Variants in DCAF5 observed in about 807,000 individuals in gnomAD.
DCAF5 encodes DDB1 and CUL4 associated factor 5.
A neutral mutation model predicts 80.7 loss-of-function variants in DCAF5; 9 were observed. The ratio of observed to expected loss-of-function variants is 0.11; its 90% CI spans 0.07 to 0.19. The LOEUF is 0.19. Ranked by LOEUF, DCAF5 falls within the 10% of genes least tolerant of loss-of-function variation. The pLI, the probability that DCAF5 is intolerant of heterozygous loss-of-function variation, is 1.00. For synonymous variants in DCAF5, 433 were observed against 461.9 expected, an observed-to-expected ratio of 0.94 and a Z score of 0.80; for missense variants, 842 against 1,205.7, an observed-to-expected ratio of 0.70 and a Z score of 4.47.
intron 6 of DCAF5, among the ~76,000 whole-genome samples, chr14:69,077,235 C>T (rs529459889): frequency 6.6e-6 from 1 of 152,282 alleles, no homozygotes; most frequent in African/African-American, 2.4e-5. Flanking sequence ...CAGCGTCTTG[C>T]TGTGTTGCCC....
intron 6 of DCAF5, among the ~76,000 whole-genome samples, chr14:69,088,781 T>C (rs2039432198): frequency 6.6e-6 from 1 of 152,040 alleles, no homozygotes. Context: ...TGAGGTCAAA[T>C]ATAAAGCCCA....
chr14:69,105,917 A>ATATATATATATATATC (rs1340539191), intron 5 of DCAF5, among the ~76,000 whole-genome samples: 4 of 24,378 alleles, frequency 1.6e-4, no homozygotes, highest in African/African-American at 8.3e-4. Flanking sequence ...AAACTGTCAT[A>ATATATATATATATATC]TATATATATA....
At chr14:69,106,813 G>A (rs2040178063) in intron 5 of DCAF5, among the ~76,000 whole-genome samples, 1 of 152,186 alleles carries the variant, frequency 6.6e-6, no homozygotes, top group African/African-American at 2.4e-5. Flanking sequence ...GCTGAGATGA[G>A]TGGATCACTT....
At chr14:69,090,266 G>C (rs1041085771) in intron 6 of DCAF5, 3 of 258,308 alleles carry the variant, frequency 1.2e-5, no homozygotes, top group African/African-American at 2.3e-5. Context: ...GTTCTATTGA[G>C]AGTCTGATCG....
At chr14:69,105,619 G>T (rs1175969894) in intron 5 of DCAF5, among the ~76,000 whole-genome samples, 2 of 152,014 alleles carry the variant, frequency 1.3e-5, no homozygotes, top group Non-Finnish European at 2.9e-5. Context: ...GGGATATTCA[G>T]CTTGTTGATG....
chr14:69,117,699 CTTTAAACAGAGTTTA>C (rs2040584932), intron 4 of DCAF5, among the ~76,000 whole-genome samples: 1 of 152,190 alleles, frequency 6.6e-6, no homozygotes, highest in Non-Finnish European at 1.5e-5. Flanking sequence ...CGACAATCCC[CTTTAAACAGAGTTTA>C]TTTGCCATCA....
intron 1 of DCAF5, among the ~76,000 whole-genome samples, chr14:69,130,823 G>A (rs1048424743): frequency 6.6e-6 from 1 of 152,184 alleles, no homozygotes; most frequent in Non-Finnish European, 1.5e-5. Context: ...CTATAGAAGG[G>A]TACAGGAAGT....
intron 7 of DCAF5, 71 bp downstream of exon 7, chr14:69,075,274 C>T (rs2038856972): frequency 4.6e-6 from 6 of 1,297,252 alleles, no homozygotes; most frequent in South Asian, 4.1e-5. Flanking sequence ...GATCTGTCCC[C>T]TCAGGGCACA....
At chr14:69,091,576 T>C (rs2039535061) in intron 6 of DCAF5, 98 bp downstream of exon 6, 4 of 1,125,282 alleles carry the variant, frequency 3.6e-6, no homozygotes, top group Non-Finnish European at 5.2e-6. Flanking sequence ...TAATTGTTTC[T>C]ACCTGACATA....
intron 6 of DCAF5, chr14:69,085,074 G>C: frequency 9.2e-7 from 1 of 1,085,444 alleles, no homozygotes; most frequent in Non-Finnish European, 1.4e-6. Context: ...GTCTCAGCTT[G>C]AGAAATTGAT....
intron 1 of DCAF5, among the ~76,000 whole-genome samples, chr14:69,151,732 G>A (rs892412798): frequency 6.6e-6 from 1 of 152,108 alleles, no homozygotes; most frequent in Non-Finnish European, 1.5e-5. Context: ...CCGGCAGCAG[G>A]CGCACCTCCC....
rs368190670 is a variant in DCAF5, at chr14:69,109,169, A to G, written c.665+7197T>C. ...ATCCTGGCTAACAAGGTGAAACCCC[A>G]TATCTACTAAACATACAAAAAGAAA... On this transcript the variant is annotated intron_variant, in intron 5 of 8. Transcript: ENST00000341516. 2.2e-3 allele frequency among the ~76,000 whole-genome samples: 337 copies of G among 152,086 alleles called. 2 individuals carry two copies. Among genetic ancestry groups the G allele is most frequent in the African/African-American group, 7.5e-3 (311 of 41,478 alleles).
Position 69,079,734 on chromosome 14 carries a change from G to C in DCAF5, c.880-4323C>G, listed in dbSNP as rs116335419. On this transcript the variant is annotated intron_variant, in intron 6 of 8. Coordinates refer to ENST00000341516, the MANE Select transcript of DCAF5 (RefSeq NM_003861.3). ...AGGGAAGGCAGAGTTGATCAAAAGA[G>C]ACCCTGTTCCTGTCCCATGAAGCTT... 4.3e-3 allele frequency among the ~76,000 whole-genome samples: 661 copies of C among 152,206 alleles called. 1 individual carries two copies. The highest frequency in any genetic ancestry group is 0.013 in the African/African-American group (539 of 41,522).
chr14:69,085,050 A>T, intron 6 of DCAF5: 6 of 1,231,502 alleles, frequency 4.9e-6, no homozygotes. Context: ...CTGGTCTAAA[A>T]TTTCTGACAT....
rs140605282 is a variant in DCAF5, at chr14:69,071,738, A to C, written c.946+3607T>G. On this transcript the variant is annotated intron_variant, in intron 7 of 8. Coordinates refer to ENST00000341516, the MANE Select transcript of DCAF5 (RefSeq NM_003861.3). The stretch of plus-strand genomic sequence containing the variant: ...TTCCTGACAAAATTTTCCTCATCTA[A>C]GCATTCAAAGTTAGAACTCAAGGGA... Among the ~76,000 whole-genome samples, 8 of 152,314 alleles carry C rather than the reference A, an allele frequency of 5.3e-5. No individual in the cohort carries two copies. In the East Asian group the frequency reaches 1.5e-3, roughly 29 times the overall value.
chr14:69,054,440 T>C lies in DCAF5; in HGVS notation c.2246A>G (p.His749Arg). Reference sequence around the variant, plus strand: ...CACCTCTGCCCAAGCATGGCTGCTGTGCTCATGGCCTGGGCCATTGCTGGG... The same window carrying C: ...CACCTCTGCCCAAGCATGGCTGCTGCGCTCATGGCCTGGGCCATTGCTGGG... ...RTPSNGPGHEHSSHAWAEVPE... is the reference protein window; with the variant it reads ...RTPSNGPGHERSSHAWAEVPE... The change falls in exon 9 of 9, where the codon CAC (histidine) becomes CGC (arginine). Residue 749 changes from histidine (H) to arginine (R), a missense_variant. By Grantham distance (29) the His-to-Arg change is conservative (BLOSUM62 0). Transcript: ENST00000341516. 6.2e-7 allele frequency: 1 copy of C among 1,614,104 alleles called. No homozygotes were observed. Among genetic ancestry groups the C allele is most frequent in the South Asian group, 1.1e-5 (1 of 91,090 alleles).
intron 5 of DCAF5, among the ~76,000 whole-genome samples, chr14:69,109,041 T>A (rs576545536): frequency 3.5e-4 from 53 of 152,188 alleles, no homozygotes; most frequent in African/African-American, 1.2e-3. Context: ...TTTTAAATTT[T>A]AAGATACAAC....
rs544576571 is a variant in DCAF5, at chr14:69,138,652, T to C, written c.214+14113A>G. On this transcript the variant is annotated intron_variant, in intron 1 of 8. Transcript: ENST00000341516. Reference sequence around the variant, plus strand: ...TCCTGATTGTACTACTCACTAGTTGTAACCTACTGAGCAAATCATTTTACC... The same window carrying C: ...TCCTGATTGTACTACTCACTAGTTGCAACCTACTGAGCAAATCATTTTACC... Among the ~76,000 whole-genome samples, 10 of 152,360 alleles carry C rather than the reference T, an allele frequency of 6.6e-5. No homozygotes were observed. In the East Asian group the frequency reaches 1.9e-3, roughly 29 times the overall value.
At chr14:69,083,700 T>C (rs759476869) in intron 6 of DCAF5, 79 of 633,178 alleles carry the variant, frequency 1.2e-4, no homozygotes, top group Non-Finnish European at 2.1e-4. Flanking sequence ...CAATGCAGTC[T>C]CCTAATTCAG....
Sources: allele counts gnomAD v4.1 joint callset (sites outside exome capture counted in the v4.1 genomes callset), GRCh38; gene constraint gnomAD v4.1.1; transcripts MANE v1.5; gene names NCBI Gene and HGNC (gene_info 2026-07-23, HGNC 2026-07-21).